The following ELP4 variants were observed in gnomAD, a reference collection of about 807,000 sequenced individuals.
ELP4 encodes elongator complex protein 4.
A neutral mutation model predicts 48.9 loss-of-function variants in ELP4; 51 were observed. That is an observed-to-expected ratio of 1.04 (90% CI 0.83 to 1.32). The LOEUF (loss-of-function observed/expected upper bound fraction) is 1.32, where lower values mean the gene tolerates loss of function less well. Ranked by LOEUF, ELP4 falls within the 40% of genes most tolerant of loss-of-function variation. ELP4 has a pLI of 0.00. For synonymous variants in ELP4, 210 were observed against 189.2 expected, an observed-to-expected ratio of 1.11 and a Z score of -0.90; for missense variants, 519 against 514.6, an observed-to-expected ratio of 1.01 and a Z score of -0.08.
intron 3 of ELP4, among the ~76,000 whole-genome samples, chr11:31,570,594 A>C (rs1466981986): frequency 6.6e-6 from 1 of 150,858 alleles, no homozygotes; most frequent in Non-Finnish European, 1.5e-5. Context: ...CAGCCTACCA[A>C]GTAGCTGGGA....
intron 1 of ELP4, among the ~76,000 whole-genome samples, chr11:31,515,001 ATGTGTGTG>A (rs753678395): frequency 7.6e-5 from 10 of 131,976 alleles, no homozygotes; most frequent in African/African-American, 2.0e-4. Context: ...TGCTGTATGC[ATGTGTGTG>A]TGTGTGTGTG....
chr11:31,674,115 A>G (rs1200871303), intron 9 of ELP4, among the ~76,000 whole-genome samples: 1 of 152,032 alleles, frequency 6.6e-6, no homozygotes, highest in South Asian at 2.1e-4. Flanking sequence ...GCAATTCATC[A>G]CTCTATTTAC....
At chr11:31,531,796 C>G (rs1956400386) in intron 2 of ELP4, among the ~76,000 whole-genome samples, 2 of 152,008 alleles carry the variant, frequency 1.3e-5, no homozygotes, top group Non-Finnish European at 2.9e-5. Context: ...GAAAAATATA[C>G]TCTTGAGTAA....
chr11:31,509,830 T>C lies in ELP4; in HGVS notation c.46T>C (p.Ser16Pro). The C allele has an allele frequency of 1.2e-6, 2 of 1,614,098 alleles. No individual in the cohort carries two copies. The highest frequency in any genetic ancestry group is 1.1e-5 in the South Asian group (1 of 91,078). ...CGGTAGTGTTGCCGCGAGTACTGGG[T>C]CTGCAGTGGCGACAGCCAGCAAGAG... is the stretch of plus-strand genomic sequence containing the variant. The part of the protein sequence containing the change: ...TCGSVAASTG[S>P]AVATASKSNV... The change falls in exon 1 of 10, where the codon TCT becomes CCT. Residue 16 changes from serine to proline, a missense_variant. Coordinates refer to ENST00000640961, the MANE Select transcript of ELP4 (RefSeq NM_019040.5).
At chr11:31,587,629 TG>T (rs1236993262) in intron 3 of ELP4, among the ~76,000 whole-genome samples, 3 of 152,160 alleles carry the variant, frequency 2.0e-5, no homozygotes, top group African/African-American at 2.4e-5. Context: ...ACTTTATTTT[TG>T]TTTTTTTCTA....
intron 1 of ELP4, chr11:31,510,234 C>T (rs1249489912): frequency 7.0e-6 from 4 of 570,396 alleles, no homozygotes; most frequent in South Asian, 4.7e-5. Flanking sequence ...CATTCCCTGC[C>T]CTCCAACCCC....
intron 5 of ELP4, among the ~76,000 whole-genome samples, chr11:31,623,969 A>G (rs538695009): frequency 1.8e-4 from 28 of 151,970 alleles, no homozygotes; most frequent in Middle Eastern, 3.4e-3. Flanking sequence ...AGTGCTCAAC[A>G]TTATTCATCA....
intron 1 of ELP4, among the ~76,000 whole-genome samples, chr11:31,513,513 A>T (rs1205425754): frequency 6.6e-6 from 1 of 152,194 alleles, no homozygotes; most frequent in East Asian, 1.9e-4. Flanking sequence ...ATTTTAAGCA[A>T]AATTATTCCT....
intron 9 of ELP4, among the ~76,000 whole-genome samples, chr11:31,722,208 T>A (rs945183732): frequency 2.0e-5 from 3 of 152,188 alleles, no homozygotes; most frequent in Non-Finnish European, 4.4e-5. Context: ...CACAGAAAAC[T>A]CTTAATATAT....
chr11:31,693,491 A>G (rs1047668611), intron 9 of ELP4, among the ~76,000 whole-genome samples: 2 of 152,056 alleles, frequency 1.3e-5, no homozygotes, highest in African/African-American at 4.8e-5. Flanking sequence ...ACATGAACTC[A>G]TCCTTTTTTA....
At chr11:31,670,864 A>G (rs1021838059) in intron 9 of ELP4, among the ~76,000 whole-genome samples, 3 of 152,090 alleles carry the variant, frequency 2.0e-5, no homozygotes, top group African/African-American at 7.2e-5. Context: ...TCTAACCAAG[A>G]AATAGGAATT....
chr11:31,578,819 C>T (rs1183740188), intron 3 of ELP4, among the ~76,000 whole-genome samples: 2 of 152,136 alleles, frequency 1.3e-5, no homozygotes, highest in African/African-American at 4.8e-5. Context: ...AATGTTAGAC[C>T]TAAAACCATT....
chr11:31,564,331 T>C (rs1301456235), intron 3 of ELP4, among the ~76,000 whole-genome samples: 2 of 152,034 alleles, frequency 1.3e-5, no homozygotes, highest in African/African-American at 2.4e-5. Context: ...AGAGTAGATT[T>C]TTTTTCCAGA....
intron 4 of ELP4, among the ~76,000 whole-genome samples, chr11:31,597,936 G>C (rs901997276): frequency 1.4e-5 from 2 of 144,536 alleles, no homozygotes; most frequent in African/African-American, 5.0e-5. Flanking sequence ...AGTAACTAAA[G>C]CTTTAAGCCT....
At chr11:31,558,014 A>AT (rs2133937639) in intron 3 of ELP4, among the ~76,000 whole-genome samples, 1 of 152,014 alleles carries the variant, frequency 6.6e-6, no homozygotes, top group Non-Finnish European at 1.5e-5. Flanking sequence ...TAATCAGAAT[A>AT]TTTTCCCTTT....
chr11:31,607,091 A>G (rs1957889825), intron 5 of ELP4, among the ~76,000 whole-genome samples: 2 of 152,298 alleles, frequency 1.3e-5, no homozygotes, highest in East Asian at 1.9e-4. Context: ...ATGAAAGGCC[A>G]TGTGAGCACA....
intron 9 of ELP4, chr11:31,767,400 A>AAG (rs1948063521): frequency 6.6e-6 from 1 of 151,920 alleles, no homozygotes; most frequent in African/African-American, 2.4e-5. Flanking sequence ...AAAAAAAAAA[A>AAG]AAATTAGCTC....
At chr11:31,707,180 G>A (rs1946651821) in intron 9 of ELP4, 1 of 391,552 alleles carries the variant, frequency 2.6e-6, no homozygotes, top group East Asian at 3.6e-5. Flanking sequence ...GTTGCTGCAC[G>A]AGTTTATATT....
At chr11:31,716,442 T>C (rs1946843684) in intron 9 of ELP4, among the ~76,000 whole-genome samples, 1 of 152,224 alleles carries the variant, frequency 6.6e-6, no homozygotes, top group Non-Finnish European at 1.5e-5. Flanking sequence ...TTTTCTCATT[T>C]GTAAAATGGG....
Sources: allele counts gnomAD v4.1 joint callset (sites outside exome capture counted in the v4.1 genomes callset), GRCh38; gene constraint gnomAD v4.1.1; transcripts MANE v1.5; gene names NCBI Gene and HGNC (gene_info 2026-07-23, HGNC 2026-07-21).